AEBP2: variants seen among roughly 807,000 people sequenced by gnomAD.
The protein encoded by AEBP2 is zinc finger protein AEBP2.
A neutral mutation model predicts 50.8 loss-of-function variants in AEBP2; 10 were observed. The ratio of observed to expected loss-of-function variants is 0.20; its 90% CI spans 0.12 to 0.33. The LOEUF (loss-of-function observed/expected upper bound fraction) is 0.33. Ranked by LOEUF, AEBP2 falls within the 10% of genes least tolerant of loss-of-function variation. The probability of loss-of-function intolerance (pLI) is 1.00; values close to 1 mark genes in which losing one functional copy is unlikely to be tolerated. For missense variants in AEBP2, 570 were observed against 688.0 expected (o/e 0.83, Z 1.92); for synonymous variants, 296 against 261.3 (o/e 1.13, Z -1.28).
chr12:19,435,731 A>G (rs1215884217), upstream of AEBP2, among the ~76,000 whole-genome samples: 1 of 152,200 alleles, frequency 6.6e-6, no homozygotes, highest in Non-Finnish European at 1.5e-5. Flanking sequence ...AAATTAATGA[A>G]ACCAGATATA....
chr12:19,447,240 ACTTT>A (rs1948087478), intron 1 of AEBP2, among the ~76,000 whole-genome samples: 1 of 152,094 alleles, frequency 6.6e-6, no homozygotes, highest in Admixed American at 6.6e-5. Flanking sequence ...TATTCTCTTC[ACTTT>A]CTTTCTGTGT....
chr12:19,435,573 C>G (rs558408439), upstream of AEBP2, among the ~76,000 whole-genome samples: 1 of 152,158 alleles, frequency 6.6e-6, no homozygotes, highest in South Asian at 2.1e-4. Context: ...CTTCTTCAAT[C>G]TAATATTTAA....
At chr12:19,497,420 G>A (rs1052214786) in intron 4 of AEBP2, among the ~76,000 whole-genome samples, 1 of 132,016 alleles carries the variant, frequency 7.6e-6, no homozygotes, top group Admixed American at 9.2e-5. Context: ...ACAGCAACCT[G>A]TAATGTTAGG....
chr12:19,447,303 G>A (rs568573123), intron 1 of AEBP2, among the ~76,000 whole-genome samples: 1 of 152,252 alleles, frequency 6.6e-6, no homozygotes, highest in African/African-American at 2.4e-5. Context: ...CTGGTTCCTT[G>A]TTAGACATAT....
At chr12:19,440,405 C>G (rs201164752) in intron 1 of AEBP2, 35 bp downstream of exon 1, 6 of 1,462,288 alleles carry the variant, frequency 4.1e-6, no homozygotes, top group African/African-American at 1.4e-5. Flanking sequence ...TTCCCTTCCT[C>G]CTCTTGAACT....
At chr12:19,416,716 T>C (rs11044548) in intron 1 of AEBP2, among the ~76,000 whole-genome samples, 3,372 of 146,594 alleles carry the variant, frequency 0.023, 46 homozygotes, top group East Asian at 0.048. Context: ...CTCCGCTTCC[T>C]GGGTTCAAGC....
At chr12:19,456,749 G>A in intron 1 of AEBP2, 1 of 1,590,380 alleles carries the variant, frequency 6.3e-7, no homozygotes, top group Non-Finnish European at 8.6e-7. Flanking sequence ...AAGCTTCATG[G>A]TGCATTTCGA....
intron 1 of AEBP2, among the ~76,000 whole-genome samples, chr12:19,459,325 G>A (rs905799152): frequency 2.6e-5 from 4 of 151,942 alleles, no homozygotes; most frequent in African/African-American, 9.7e-5. Context: ...TCTGCCTCCT[G>A]GGTTCATGCC....
At chr12:19,420,202 T>A (rs1021567365) in intron 1 of AEBP2, among the ~76,000 whole-genome samples, 2 of 150,884 alleles carry the variant, frequency 1.3e-5, no homozygotes, top group African/African-American at 2.4e-5. Flanking sequence ...TTTTTTTTTG[T>A]ATTTTTAGTA....
At chr12:19,462,211 T>G (rs1203451799) in intron 1 of AEBP2, among the ~76,000 whole-genome samples, 3 of 152,150 alleles carry the variant, frequency 2.0e-5, no homozygotes, top group African/African-American at 4.8e-5. Flanking sequence ...GCTGTGTGTG[T>G]GGGGGTGTGG....
At chr12:19,473,892 T>A (rs1948610214) in intron 3 of AEBP2, among the ~76,000 whole-genome samples, 1 of 152,184 alleles carries the variant, frequency 6.6e-6, no homozygotes, top group South Asian at 2.1e-4. Context: ...GGAGAAATGT[T>A]GCTGTTGGAT....
At chr12:19,436,892 A>G (rs1383010590), upstream of AEBP2, among the ~76,000 whole-genome samples, 1 of 152,052 alleles carries the variant, frequency 6.6e-6, no homozygotes, top group Non-Finnish European at 1.5e-5. Context: ...GAGCCACTGC[A>G]CCTGGCCCCC....
chr12:19,426,278 A>G (rs781101414), intron 1 of AEBP2, among the ~76,000 whole-genome samples: 6 of 152,156 alleles, frequency 3.9e-5, no homozygotes, highest in Non-Finnish European at 7.4e-5. Flanking sequence ...TAGAGGGCAC[A>G]TGATACTGCT....
At chr12:19,419,979 C>G (rs938813177) in intron 1 of AEBP2, among the ~76,000 whole-genome samples, 2 of 151,628 alleles carry the variant, frequency 1.3e-5, no homozygotes, top group Non-Finnish European at 2.9e-5. Flanking sequence ...CCTATATAAA[C>G]TGACCATAAC....
At chr12:19,448,956 A>C (rs1215677335) in intron 1 of AEBP2, among the ~76,000 whole-genome samples, 3 of 152,214 alleles carry the variant, frequency 2.0e-5, no homozygotes, top group Non-Finnish European at 2.9e-5. Context: ...CAGGGATTAC[A>C]GGTGTGAGCC....
intron 1 of AEBP2, among the ~76,000 whole-genome samples, chr12:19,408,379 A>C (rs990258050): frequency 1.3e-5 from 2 of 151,786 alleles, no homozygotes; most frequent in Non-Finnish European, 2.9e-5. Flanking sequence ...CAACATGGTG[A>C]AACTCTGTCT....
At chr12:19,411,855 C>A (rs1479280201) in intron 1 of AEBP2, among the ~76,000 whole-genome samples, 2 of 152,194 alleles carry the variant, frequency 1.3e-5, no homozygotes, top group Admixed American at 6.5e-5. Flanking sequence ...AAAATTATTG[C>A]GCACATTTTA....
intron 3 of AEBP2, among the ~76,000 whole-genome samples, chr12:19,477,241 C>T (rs967498009): frequency 2.0e-5 from 3 of 152,088 alleles, no homozygotes; most frequent in African/African-American, 7.2e-5. Context: ...ATGATCATAT[C>T]GTCAGCAAAC....
chr12:19,492,168 A>G (rs899587528), intron 3 of AEBP2, among the ~76,000 whole-genome samples: 2 of 152,244 alleles, frequency 1.3e-5, no homozygotes, highest in African/African-American at 2.4e-5. Flanking sequence ...GTCAAAAACT[A>G]AGTAAATTGG....
Sources: gnomAD v4.1 joint callset for allele counts (sites outside exome capture counted in the v4.1 genomes callset) on GRCh38, gnomAD v4.1.1 for gene constraint, MANE v1.5 for transcripts, NCBI Gene and HGNC (gene_info 2026-07-23, HGNC 2026-07-21) for gene names.